CDC34: variants seen among roughly 807,000 people sequenced by gnomAD.
The protein encoded by CDC34 is cell division cycle 34, ubiquitin conjugating enzyme.
A neutral mutation model predicts 26.8 loss-of-function variants in CDC34; 18 were observed. The ratio of observed to expected loss-of-function variants is 0.67; its 90% CI spans 0.47 to 1.00. The LOEUF (loss-of-function observed/expected upper bound fraction) is 1.00, where lower values mean the gene tolerates loss of function less well. Ranked by LOEUF, CDC34 falls within the 50% of genes least tolerant of loss-of-function variation. The pLI, the probability that CDC34 is intolerant of heterozygous loss-of-function variation, is 0.00. For missense variants in CDC34, 280 were observed against 334.5 expected (o/e 0.84, Z 1.27); for synonymous variants, 178 against 147.5 (o/e 1.21, Z -1.50).
Position 536,181 on chromosome 19 carries a change from C to G in CDC34, c.265-62C>G. ...CCTCCACGTCCTCATCCTCCGGGAC[C>G]TGGGGCACTGGGAGCCCGTGCTGAC... On this transcript the variant is annotated intron_variant, in intron 2 of 4. Coordinates refer to ENST00000215574, the MANE Select transcript of CDC34 (RefSeq NM_004359.2). The G allele has an allele frequency of 1.5e-6, 2 of 1,340,806 alleles. 1 individual carries two copies. Among genetic ancestry groups the G allele is most frequent in the South Asian group, 2.5e-5 (2 of 80,738 alleles). 83.1% of individuals were successfully genotyped at this position (1,340,806 alleles called of 1,614,324 possible). A position where few individuals can be genotyped will look rare whatever the true frequency, so the allele number is the denominator to read the frequency against.
At chr19:538,165 G>A (rs1301924099) in intron 4 of CDC34, among the ~76,000 whole-genome samples, 1 of 152,030 alleles carries the variant, frequency 6.6e-6, no homozygotes, top group Non-Finnish European at 1.5e-5. Flanking sequence ...ATGAAAAAAT[G>A]GGGTCGTGCT....
chr19:534,175 G>GT (rs1477164274), intron 1 of CDC34, among the ~76,000 whole-genome samples: 2 of 152,164 alleles, frequency 1.3e-5, no homozygotes, highest in Non-Finnish European at 2.9e-5. Flanking sequence ...CACCAGGCTT[G>GT]GGGGGCCTGA....
Position 536,087 on chromosome 19 carries a change from C to CTGGGG in CDC34, c.265-156_265-155insTGGGG, listed in dbSNP as rs1244371257. ...CCTCACGTCCTCGTCCTTCCGGGAC[C>CTGGGG]CGAGGCGCTGGGAGCCTCATGTCCT... On this transcript the variant is annotated intron_variant, in intron 2 of 4. Transcript: ENST00000215574. Among the ~76,000 whole-genome samples the CTGGGG allele has an allele frequency of 3.0e-5, 4 of 132,666 alleles. No homozygotes were observed. The East Asian group carries it at 8.8e-4, about 29-fold the overall frequency. The allele number at this position is 132,666 out of a possible 152,430, so 87.0% of individuals were successfully genotyped here. A position where few individuals can be genotyped will look rare whatever the true frequency, so the allele number is the denominator to read the frequency against.
intron 1 of CDC34, among the ~76,000 whole-genome samples, 171 bp downstream of exon 1, chr19:532,279 C>A (rs1052200122): frequency 1.3e-5 from 2 of 152,196 alleles, no homozygotes; most frequent in African/African-American, 4.8e-5. Flanking sequence ...CTCTGCCCGG[C>A]CCCCTCCTCG....
In CDC34 at chr19:531,939, G is replaced by C. The variant is rs748895553; in HGVS notation, c.8G>C (p.Arg3Pro). 1 of 1,436,850 alleles carries C rather than the reference G, an allele frequency of 7.0e-7. No homozygotes were observed. Among genetic ancestry groups the C allele is most frequent in the African/African-American group, 1.5e-5 (1 of 65,792 alleles). 89.0% of individuals were successfully genotyped at this position (1,436,850 alleles called of 1,614,324 possible). A position where few individuals can be genotyped will look rare whatever the true frequency, so the allele number is the denominator to read the frequency against. The part of the protein sequence containing the change: MA[R>P]PLVPSSQKAL... Reference sequence around the variant, plus strand: ...GGCCCCTCCGCCGCCGCCATGGCTCGGCCGCTAGTGCCCAGCTCGCAGAAG... The same window carrying C: ...GGCCCCTCCGCCGCCGCCATGGCTCCGCCGCTAGTGCCCAGCTCGCAGAAG... Residue 3 changes from arginine (R) to proline (P), a missense_variant, in exon 1 of 5, where the codon CGG (arginine) becomes CCG (proline). Coordinates refer to ENST00000215574, the MANE Select transcript of CDC34 (RefSeq NM_004359.2).
chr19:536,620 C>T (rs1330306347), intron 3 of CDC34: 1 of 555,930 alleles, frequency 1.8e-6, no homozygotes, highest in Non-Finnish European at 3.2e-6. Context: ...ATCCTCAGTC[C>T]TGGGGCCTTC....
chr19:541,302 C>T, intron 4 of CDC34, 37 bp from the exon 5 acceptor site: 1 of 1,499,874 alleles, frequency 6.7e-7, no homozygotes. Context: ...CGAGTCCAGG[C>T]ACGTGGGTGG....
chr19:538,768 G>T (rs886569086), intron 4 of CDC34: 2 of 985,394 alleles, frequency 2.0e-6, no homozygotes, highest in African/African-American at 1.7e-5. Flanking sequence ...GGTGCTGGGC[G>T]GTCTCGGCTC....
At chr19:541,037 C>G (rs955307806) in intron 4 of CDC34, among the ~76,000 whole-genome samples, 1 of 152,188 alleles carries the variant, frequency 6.6e-6, no homozygotes, top group Non-Finnish European at 1.5e-5. Flanking sequence ...TTGCCGGCAT[C>G]GTTATTTTCT....
chr19:532,539 C>T (rs570462349), intron 1 of CDC34, among the ~76,000 whole-genome samples: 13 of 152,240 alleles, frequency 8.5e-5, no homozygotes, highest in Admixed American at 7.2e-4. Flanking sequence ...CAGCTGCCCT[C>T]CCCGCCCTCC....
intron 1 of CDC34, among the ~76,000 whole-genome samples, 177 bp downstream of exon 1, chr19:532,285 C>T (rs1167483992): frequency 2.0e-5 from 3 of 152,356 alleles, no homozygotes; most frequent in East Asian, 1.9e-4. Context: ...CCGGCCCCCT[C>T]CTCGGACCGT....
At chr19:532,879 TCAG>T (rs933516946) in intron 1 of CDC34, among the ~76,000 whole-genome samples, 2 of 152,188 alleles carry the variant, frequency 1.3e-5, no homozygotes, top group Non-Finnish European at 2.9e-5. Context: ...GACCCCGACC[TCAG>T]AAGCTCCGGG....
At position 541,686 on chromosome 19, in the gene CDC34, TC is replaced by T; in HGVS notation, c.*138del. 1 of 951,492 alleles carries T rather than the reference TC, an allele frequency of 1.1e-6. No homozygotes were observed. The allele number at this position is 951,492 out of a possible 1,614,324, so 58.9% of individuals were successfully genotyped here. On this transcript the variant is annotated 3_prime_UTR_variant, in exon 5 of 5. Coordinates refer to ENST00000215574, the MANE Select transcript of CDC34 (RefSeq NM_004359.2). ...TTGTTTCGTTTTGGCTTTTTCTCCC[TC>T]CCCATGTCTGTTCTGGGTTTTCACG...
At chr19:540,041 G>GT (rs1979941819) in intron 4 of CDC34, among the ~76,000 whole-genome samples, 3 of 79,674 alleles carry the variant, frequency 3.8e-5, no homozygotes, top group Admixed American at 1.5e-4. Context: ...GGGTGGCCAG[G>GT]CCCCCCACGT....
At chr19:538,321 C>T (rs761949642) in intron 4 of CDC34, among the ~76,000 whole-genome samples, 2 of 152,236 alleles carry the variant, frequency 1.3e-5, no homozygotes, top group Non-Finnish European at 2.9e-5. Context: ...GTCCACTTAG[C>T]TTGCGTGGCT....
chr19:538,833 C>T, intron 4 of CDC34: 1 of 985,200 alleles, frequency 1.0e-6, no homozygotes, highest in African/African-American at 1.7e-5. Flanking sequence ...GGCCTGCAAG[C>T]ACCTGCTGGC....
rs376651637 is a variant in CDC34 at position 541,792 on chromosome 19, G to A, written c.*240G>A. 2.8e-4 allele frequency: 102 copies of A among 361,762 alleles called. 1 individual carries two copies. The East Asian group carries it at 3.1e-3, about 11-fold the overall frequency. 22.4% of individuals were successfully genotyped at this position (361,762 alleles called of 1,614,324 possible). On this transcript the variant is annotated 3_prime_UTR_variant, in exon 5 of 5. Transcript: ENST00000215574. ...GGACGGGCCCAGGGTGGGAGCGGCC[G>A]GCCCACCTGTCCCCTCGGGAGGGGA...
intron 4 of CDC34, among the ~76,000 whole-genome samples, chr19:538,514 A>C (rs975196537): frequency 1.4e-5 from 2 of 143,332 alleles, no homozygotes; most frequent in Non-Finnish European, 3.1e-5. Context: ...TCTTCCTGTT[A>C]CATAGAGGCC....
intron 4 of CDC34, chr19:538,803 C>T (rs1028982959): frequency 3.8e-5 from 37 of 985,164 alleles, no homozygotes; most frequent in East Asian, 2.3e-4. Context: ...GGGCGGGCCC[C>T]GTGCGGCCTC....
Sources: allele counts gnomAD v4.1 joint callset (sites outside exome capture counted in the v4.1 genomes callset), GRCh38; gene constraint gnomAD v4.1.1; transcripts MANE v1.5; gene names NCBI Gene and HGNC (gene_info 2026-07-23, HGNC 2026-07-21).